TTC28: variants seen among roughly 807,000 people sequenced by gnomAD.
The protein encoded by TTC28 is tetratricopeptide repeat protein 28.
A neutral mutation model predicts 198.0 loss-of-function variants in TTC28; 61 were observed. That is an observed-to-expected ratio of 0.31 (90% CI 0.25 to 0.38). The LOEUF (loss-of-function observed/expected upper bound fraction) is 0.38, where lower values mean the gene tolerates loss of function less well. Ranked by LOEUF, TTC28 falls within the 10% of genes least tolerant of loss-of-function variation. The probability of loss-of-function intolerance (pLI) is 1.00; values close to 1 mark genes in which losing one functional copy is unlikely to be tolerated. For synonymous variants in TTC28, 1,171 were observed against 1,297.8 expected (o/e 0.90, Z 2.10); for missense variants, 2,678 against 3,164.0 (o/e 0.85, Z 3.69).
intron 4 of TTC28, 90 bp downstream of exon 4, chr22:28,297,490 A>C (rs1415140344): frequency 1.2e-5 from 17 of 1,418,422 alleles, no homozygotes; most frequent in Non-Finnish European, 1.6e-5. Context: ...CCAGGCGATC[A>C]CTTTTCATTG....
chr22:27,998,831 C>A lies in TTC28; in HGVS notation c.4828G>T (p.Asp1610Tyr). 6.5e-7 allele frequency: 1 copy of A among 1,550,320 alleles called. No individual in the cohort carries two copies. The highest frequency in any genetic ancestry group is 1.2e-5 in the South Asian group (1 of 84,058). Residue 1610 changes from aspartate to tyrosine, a missense_variant, in exon 16 of 23, where the codon GAC becomes TAC. By Grantham distance (160) the Asp-to-Tyr change is radical. Around this residue, in one of 8 missense-constraint regions of TTC28, gnomAD observed 727 missense variants for 861.9 expected, o/e 0.84. Coordinates refer to ENST00000397906, the MANE Select transcript of TTC28 (RefSeq NM_001145418.2). Reference sequence around the variant, plus strand: ...ACAGGCAGCTGCAGGTCCAGGACGTCGGCGGCAGTAAGCAGCAGCTCCTGC... The same window carrying A: ...ACAGGCAGCTGCAGGTCCAGGACGTAGGCGGCAGTAAGCAGCAGCTCCTGC... ...PLQELLLTAA[D>Y]VLDLQLPVKL...
intron 21 of TTC28, 69 bp from the exon 22 acceptor site, chr22:27,985,425 T>G: frequency 1.9e-5 from 23 of 1,232,698 alleles, no homozygotes; most frequent in Non-Finnish European, 2.5e-5. Flanking sequence ...ATGAGCGCTA[T>G]AGGGCTCCTT....
chr22:28,553,306 G>A (rs955003348), intron 2 of TTC28, among the ~76,000 whole-genome samples: 39 of 150,396 alleles, frequency 2.6e-4, no homozygotes, highest in Admixed American at 7.3e-4. Flanking sequence ...AGTGAGGAGC[G>A]TCTCTGCCCA....
intron 5 of TTC28, among the ~76,000 whole-genome samples, chr22:28,183,306 C>T (rs532659203): frequency 6.6e-6 from 1 of 152,204 alleles, no homozygotes; most frequent in East Asian, 1.9e-4. Context: ...AATCCTCTCA[C>T]CTTAGCCTCC....
intron 2 of TTC28, among the ~76,000 whole-genome samples, chr22:28,348,286 T>C (rs942833591): frequency 2.6e-5 from 4 of 152,144 alleles, no homozygotes; most frequent in Non-Finnish European, 5.9e-5. Context: ...CTCAAGTCTT[T>C]TCATACGCCT....
At chr22:28,386,859 A>G (rs1569297078) in intron 2 of TTC28, among the ~76,000 whole-genome samples, 1 of 151,634 alleles carries the variant, frequency 6.6e-6, no homozygotes, top group Non-Finnish European at 1.5e-5. Context: ...TATTATTATT[A>G]TACTTTAAGT....
Position 28,096,300 on chromosome 22 carries a change from G to A in TTC28, c.3656C>T (p.Pro1219Leu), listed in dbSNP as rs1489306473. Residue 1219 changes from proline (P) to leucine (L), a missense_variant, in exon 11 of 23, where the codon CCA (proline) becomes CTA (leucine). Pro to Leu is a moderately conservative substitution (Grantham distance 98). Around this residue, in one of 8 missense-constraint regions of TTC28, gnomAD observed 727 missense variants for 861.9 expected, o/e 0.84. Transcript: ENST00000397906. ...TGQQDSDPYSPVTIDQILEMV... is the reference protein window; with the variant it reads ...TGQQDSDPYSLVTIDQILEMV... Reference sequence around the variant, plus strand: ...CTCTAAGATCTGATCAATAGTGACTGGGGAGTAGGGGTCGGAGTCTTGTTG... The same window carrying A: ...CTCTAAGATCTGATCAATAGTGACTAGGGAGTAGGGGTCGGAGTCTTGTTG... The A allele has an allele frequency of 1.3e-6, 2 of 1,551,826 alleles. No homozygotes were observed. Among genetic ancestry groups the A allele is most frequent in the African/African-American group, 1.4e-5 (1 of 73,034 alleles).
intron 5 of TTC28, among the ~76,000 whole-genome samples, chr22:28,204,822 G>C (rs988918078): frequency 2.0e-5 from 3 of 152,192 alleles, no homozygotes; most frequent in African/African-American, 7.2e-5. Flanking sequence ...GGGAACACTA[G>C]AGAAACACAG....
intron 2 of TTC28, among the ~76,000 whole-genome samples, chr22:28,398,461 G>A (rs934621420): frequency 3.9e-5 from 6 of 152,178 alleles, no homozygotes; most frequent in African/African-American, 1.4e-4. Context: ...AGGGATGAAA[G>A]ATGTGAATCT....
chr22:28,105,279 C>T lies in TTC28; in HGVS notation c.3307G>A (p.Gly1103Ser). ...YSQAVMYLQE[G>S]LRLAEQLGRR... ...GAACACAATGGGCCTTTTCACCTAC[C>T]TTCCTGTAAGTACATGACTGCTTGG... is the stretch of plus-strand genomic sequence containing the variant. Residue 1103 changes from glycine (G) to serine (S), a missense_variant and splice_region_variant, in exon 8 of 23, where the codon GGT becomes AGT. Coordinates refer to ENST00000397906, the MANE Select transcript of TTC28 (RefSeq NM_001145418.2). 1 of 1,549,758 alleles carries T rather than the reference C, an allele frequency of 6.5e-7. No individual in the cohort carries two copies.
At chr22:28,296,356 A>G (rs2044895828) in intron 4 of TTC28, 28 bp from the exon 5 acceptor site, 4 of 1,477,560 alleles carry the variant, frequency 2.7e-6, no homozygotes, top group Non-Finnish European at 3.6e-6. Flanking sequence ...AAAAAAAAAG[A>G]AAAAATTTCT....
chr22:28,497,368 T>C (rs1422680275), intron 2 of TTC28, among the ~76,000 whole-genome samples: 1 of 152,216 alleles, frequency 6.6e-6, no homozygotes, highest in Non-Finnish European at 1.5e-5. Flanking sequence ...GGAAAAGTAA[T>C]GACTTACTAC....
chr22:28,591,381 G>A (rs1422992467), intron 2 of TTC28, among the ~76,000 whole-genome samples: 1 of 151,762 alleles, frequency 6.6e-6, no homozygotes, highest in East Asian at 1.9e-4. Flanking sequence ...TTTACATAGC[G>A]CTCTGCTGTC....
At position 28,027,392 on chromosome 22, in the gene TTC28, A is replaced by G. The variant is rs548773031; in HGVS notation, c.4073+2834T>C. 4.6e-5 allele frequency among the ~76,000 whole-genome samples: 7 copies of G among 152,382 alleles called. No individual in the cohort carries two copies. The South Asian group carries it at 1.4e-3, about 32-fold the overall frequency. ...GCAAGAAGAAAAATAGTGATTGCCG[A>G]GACCTCAAAAATGACAGCAGAACAA... On this transcript the variant is annotated intron_variant, in intron 13 of 22. Coordinates refer to ENST00000397906, the MANE Select transcript of TTC28 (RefSeq NM_001145418.2).
intron 12 of TTC28, among the ~76,000 whole-genome samples, chr22:28,088,210 T>C (rs921353765): frequency 6.0e-4 from 91 of 152,132 alleles, no homozygotes; most frequent in African/African-American, 2.1e-3. Flanking sequence ...GCCAAGTCAA[T>C]CTTAAGCCAA....
chr22:28,321,740 G>T (rs1398941505), intron 2 of TTC28, among the ~76,000 whole-genome samples: 1 of 152,150 alleles, frequency 6.6e-6, no homozygotes, highest in Non-Finnish European at 1.5e-5. Flanking sequence ...CTACATATAT[G>T]CAGCAAAACT....
At chr22:28,304,082 G>C (rs2045083265) in intron 3 of TTC28, among the ~76,000 whole-genome samples, 1 of 152,050 alleles carries the variant, frequency 6.6e-6, no homozygotes, top group African/African-American at 2.4e-5. Context: ...TCAGGAGATC[G>C]AGACCATCCT....
chr22:28,350,135 T>C (rs1020397079), intron 2 of TTC28, among the ~76,000 whole-genome samples: 3 of 152,194 alleles, frequency 2.0e-5, no homozygotes, highest in Admixed American at 6.5e-5. Context: ...TTCCTACACA[T>C]ATTTTACATA....
At chr22:28,423,512 C>T (rs563287248) in intron 2 of TTC28, among the ~76,000 whole-genome samples, 3 of 152,254 alleles carry the variant, frequency 2.0e-5, no homozygotes, top group East Asian at 3.9e-4. Context: ...TTAAGTAATC[C>T]GTTTCAGCCC....
Sources: gnomAD v4.1 joint callset for allele counts (sites outside exome capture counted in the v4.1 genomes callset) on GRCh38, gnomAD v4.1.1 for gene constraint, gnomAD v4.1.1 regional missense constraint, MANE v1.5 for transcripts, NCBI Gene and HGNC (gene_info 2026-07-23, HGNC 2026-07-21) for gene names.